Variants in ERICH1 observed in about 807,000 individuals in gnomAD.
ERICH1 encodes glutamate rich 1.
Under a neutral mutation model 39.6 loss-of-function variants are expected in ERICH1, and 56 were observed. The observed-to-expected ratio is 1.41, with a 90% CI of 1.14 to 1.77. The LOEUF is 1.77. Among genes scored for constraint, ERICH1 ranks in the 40% most tolerant of loss-of-function variants. The pLI is 0.00. For synonymous variants in ERICH1, 313 were observed against 223.6 expected, an observed-to-expected ratio of 1.40 and a Z score of -3.57; for missense variants, 826 against 575.4, an observed-to-expected ratio of 1.44 and a Z score of -4.45.
At position 668,633 on chromosome 8, in the gene ERICH1, A is replaced by G; in HGVS notation, c.1223T>C (p.Leu408Pro). The change falls in exon 5 of 6, where the codon CTG becomes CCG. Residue 408 changes from leucine to proline, a missense_variant. By Grantham distance (98) the Leu-to-Pro change is moderately conservative. Coordinates refer to ENST00000262109, the MANE Select transcript of ERICH1 (RefSeq NM_207332.3). ...LQDTERLKHALEMFPEHCTMP... is the reference protein window; with the variant it reads ...LQDTERLKHAPEMFPEHCTMP... Reference sequence around the variant, plus strand: ...CGTGCAATGTTCTGGGAACATTTCCAGAGCATGCTTCAATCTCTCAGTATC... The same window carrying G: ...CGTGCAATGTTCTGGGAACATTTCCGGAGCATGCTTCAATCTCTCAGTATC... 1 of 1,614,226 alleles carries G rather than the reference A, an allele frequency of 6.2e-7. No individual in the cohort carries two copies. Among genetic ancestry groups the G allele is most frequent in the Non-Finnish European group, 8.5e-7 (1 of 1,180,044 alleles).
chr8:724,561 G>C (rs776320120), intron 1 of ERICH1, among the ~76,000 whole-genome samples: 1 of 152,112 alleles, frequency 6.6e-6, no homozygotes, highest in African/African-American at 2.4e-5. Flanking sequence ...CTCAGTTCTC[G>C]GAGTCAGTTT....
intron 1 of ERICH1, among the ~76,000 whole-genome samples, chr8:727,237 T>C (rs1323811799): frequency 1.3e-5 from 2 of 152,096 alleles, no homozygotes; most frequent in African/African-American, 4.8e-5. Flanking sequence ...CACACATACA[T>C]GCATGCACAT....
chr8:616,487 G>A (rs1796905019), intron 3 of ERICH1: 3 of 455,580 alleles, frequency 6.6e-6, no homozygotes, highest in African/African-American at 4.0e-5. Context: ...AGACAGGTAC[G>A]GCCAGAGCAC....
At chr8:702,722 C>T (rs982927025) in intron 2 of ERICH1, among the ~76,000 whole-genome samples, 1 of 152,216 alleles carries the variant, frequency 6.6e-6, no homozygotes, top group South Asian at 2.1e-4. Context: ...TGTGTGGGAG[C>T]GACACTGGTG....
intron 3 of ERICH1, among the ~76,000 whole-genome samples, chr8:632,378 T>C (rs1193470326): frequency 6.6e-6 from 1 of 152,162 alleles, no homozygotes; most frequent in South Asian, 2.1e-4. Flanking sequence ...TTAAAAATGA[T>C]CTTTTCTTAT....
intron 3 of ERICH1, among the ~76,000 whole-genome samples, chr8:624,912 G>A (rs568067405): frequency 6.6e-6 from 1 of 151,968 alleles, no homozygotes; most frequent in Non-Finnish European, 1.5e-5. Context: ...ATTTTTAGTA[G>A]AGACGGGGTT....
intron 3 of ERICH1, among the ~76,000 whole-genome samples, chr8:643,461 G>C (rs1585017723): frequency 6.6e-6 from 1 of 152,108 alleles, no homozygotes; most frequent in Non-Finnish European, 1.5e-5. Context: ...TTGCAGACTG[G>C]GGATAGGACT....
chr8:683,326 A>C (rs1028356434), intron 3 of ERICH1, among the ~76,000 whole-genome samples: 1 of 152,182 alleles, frequency 6.6e-6, no homozygotes, highest in African/African-American at 2.4e-5. Flanking sequence ...TTCAGGGAAT[A>C]AAGGTAGCTC....
Position 631,034 on chromosome 8 carries a change from G to C in ERICH1, c.977-15750C>G, listed in dbSNP as rs561933401. On this transcript the variant is annotated intron_variant, in intron 3 of 3. Coordinates refer to the ERICH1 transcript ENST00000522706. ...GGACAGAGCTGACTCACACCCTCCCGTGACCACCCACCACCCACATTGACA... is the reference window on the plus strand; with the variant it reads ...GGACAGAGCTGACTCACACCCTCCCCTGACCACCCACCACCCACATTGACA... Among the ~76,000 whole-genome samples the C allele has an allele frequency of 4.1e-5, 6 of 146,526 alleles. No homozygotes were observed. The East Asian group carries it at 1.2e-3, about 30-fold the overall frequency.
intron 1 of ERICH1, among the ~76,000 whole-genome samples, chr8:719,747 T>G (rs1030086398): frequency 6.6e-6 from 1 of 152,190 alleles, no homozygotes; most frequent in Non-Finnish European, 1.5e-5. Flanking sequence ...TGCACATGTA[T>G]TGAATTATTA....
intron 2 of ERICH1, among the ~76,000 whole-genome samples, chr8:703,454 G>A (rs867146996): frequency 6.6e-6 from 1 of 152,154 alleles, no homozygotes; most frequent in African/African-American, 2.4e-5. Flanking sequence ...CAAGGAGCCT[G>A]GAAGTGGGGA....
At chr8:682,223 T>A (rs34507435) in intron 3 of ERICH1, among the ~76,000 whole-genome samples, 6,120 of 152,202 alleles carry the variant, frequency 0.04, 139 homozygotes, top group African/African-American at 0.06. Context: ...AGTCACAACC[T>A]CCCAGCTTCT....
intron 1 of ERICH1, among the ~76,000 whole-genome samples, chr8:727,021 T>TGCACACACATACAC (rs1163267306): frequency 6.8e-6 from 1 of 147,826 alleles, no homozygotes; most frequent in Admixed American, 6.7e-5. Context: ...CACACATGCA[T>TGCACACACATACAC]GCACACACAT....
At chr8:665,810 C>G (rs778251184) in intron 5 of ERICH1, among the ~76,000 whole-genome samples, 21 of 152,166 alleles carry the variant, frequency 1.4e-4, no homozygotes, top group Admixed American at 3.9e-4. Context: ...GCAGAGGAGA[C>G]GTGACCAGCA....
In ERICH1 at chr8:673,637, C is replaced by T. The variant is rs763750645; in HGVS notation, c.715G>A (p.Glu239Lys). The T allele has an allele frequency of 1.4e-5, 23 of 1,609,966 alleles. No homozygotes were observed. The highest frequency in any genetic ancestry group is 1.8e-5 in the Non-Finnish European group (21 of 1,177,440). ...TGCCTGGCCCGTGTCAGGTCTTCCT[C>T]GCTAGCGTCCGCACCATCTTCCTCC... ...TREEDGADAS[E>K]EDLTRARQEE... Residue 239 changes from glutamate (E) to lysine (K), a missense_variant, in exon 4 of 6, where the codon GAG becomes AAG. Transcript: ENST00000262109.
At chr8:663,837 G>A (rs991224347), downstream of ERICH1, among the ~76,000 whole-genome samples, 6 of 151,758 alleles carry the variant, frequency 4.0e-5, no homozygotes, top group Non-Finnish European at 4.4e-5. Flanking sequence ...TCAGCTCACT[G>A]CAAGCTCTGC....
At chr8:709,693 G>A (rs1490030327) in intron 2 of ERICH1, among the ~76,000 whole-genome samples, 2 of 152,314 alleles carry the variant, frequency 1.3e-5, no homozygotes, top group Non-Finnish European at 2.9e-5. Context: ...AAGGCCAAGT[G>A]CTTTGTCAGA....
At chr8:633,699 A>T (rs1798196761) in intron 3 of ERICH1, among the ~76,000 whole-genome samples, 1 of 152,216 alleles carries the variant, frequency 6.6e-6, no homozygotes, top group Non-Finnish European at 1.5e-5. Context: ...GGACCAAGGG[A>T]ACAGAGGCGA....
chr8:677,672 T>C (rs1044596427), intron 3 of ERICH1, among the ~76,000 whole-genome samples: 1 of 152,166 alleles, frequency 6.6e-6, no homozygotes, highest in Non-Finnish European at 1.5e-5. Flanking sequence ...CATTTTAATT[T>C]CCCAGGTTCT....
Sources: gnomAD v4.1 joint callset for allele counts (sites outside exome capture counted in the v4.1 genomes callset) on GRCh38, gnomAD v4.1.1 for gene constraint, MANE v1.5 for transcripts, NCBI Gene and HGNC (gene_info 2026-07-23, HGNC 2026-07-21) for gene names.